CDKAL1: variants seen among roughly 807,000 people sequenced by gnomAD.
The protein encoded by CDKAL1 is CDKAL1 threonylcarbamoyladenosine tRNA methylthiotransferase.
In CDKAL1, 32 loss-of-function variants were observed where a neutral mutation model predicts 68.2. The observed-to-expected ratio is 0.47, with a 90% CI of 0.35 to 0.63. CDKAL1 has a LOEUF of 0.63. CDKAL1 is among the 30% of genes least tolerant of loss of function. CDKAL1 has a pLI of 0.00. For missense variants in CDKAL1, 606 were observed against 696.7 expected, an observed-to-expected ratio of 0.87 and a Z score of 1.47; for synonymous variants, 234 against 244.3, an observed-to-expected ratio of 0.96 and a Z score of 0.39.
chr6:21,036,018 C>T (rs1297314460), intron 11 of CDKAL1, among the ~76,000 whole-genome samples: 1 of 152,134 alleles, frequency 6.6e-6, no homozygotes, highest in African/African-American at 2.4e-5. Context: ...GCGCTTGCAT[C>T]AAGATCTGAA....
intron 9 of CDKAL1, among the ~76,000 whole-genome samples, chr6:20,947,936 G>C (rs978022978): frequency 6.1e-5 from 9 of 148,588 alleles, no homozygotes; most frequent in Admixed American, 6.0e-4. Flanking sequence ...GCTTGTATAA[G>C]TTTTAAAGAC....
intron 13 of CDKAL1, among the ~76,000 whole-genome samples, chr6:21,142,753 G>T (rs1296915935): frequency 6.6e-6 from 1 of 152,180 alleles, no homozygotes; most frequent in Non-Finnish European, 1.5e-5. Flanking sequence ...GAGTAAATAT[G>T]AACTAGTTTG....
chr6:20,732,426 C>A (rs1772994339), intron 5 of CDKAL1, among the ~76,000 whole-genome samples: 1 of 150,588 alleles, frequency 6.6e-6, no homozygotes, highest in Non-Finnish European at 1.5e-5. Context: ...CAGCTGTGCA[C>A]CATGACACCT....
intron 4 of CDKAL1, among the ~76,000 whole-genome samples, chr6:20,642,252 A>G (rs1361166171): frequency 6.6e-6 from 1 of 151,946 alleles, no homozygotes; most frequent in Non-Finnish European, 1.5e-5. Context: ...AATAACAGAA[A>G]AGAGTGACAC....
intron 11 of CDKAL1, among the ~76,000 whole-genome samples, chr6:21,016,943 A>G (rs1768373703): frequency 2.6e-5 from 4 of 152,218 alleles, no homozygotes; most frequent in Admixed American, 2.6e-4. Flanking sequence ...TTATTGCCAG[A>G]AATTTTCTTT....
intron 4 of CDKAL1, among the ~76,000 whole-genome samples, chr6:20,571,034 C>A (rs958458191): frequency 2.0e-5 from 3 of 152,156 alleles, no homozygotes; most frequent in Non-Finnish European, 4.4e-5. Context: ...AGCACCCTCA[C>A]TGGGGAGGAA....
intron 9 of CDKAL1, among the ~76,000 whole-genome samples, chr6:20,880,659 G>A (rs1403471440): frequency 1.3e-5 from 2 of 151,796 alleles, no homozygotes; most frequent in East Asian, 3.8e-4. Flanking sequence ...TTTCTCTATG[G>A]CCTGTATCTT....
intron 4 of CDKAL1, among the ~76,000 whole-genome samples, chr6:20,549,161 T>A (rs1361630773): frequency 6.6e-6 from 1 of 152,220 alleles, no homozygotes; most frequent in Admixed American, 6.5e-5. Flanking sequence ...TGACAGTTTC[T>A]TAATTTTTTC....
intron 7 of CDKAL1, among the ~76,000 whole-genome samples, chr6:20,766,452 T>G (rs1774708025): frequency 6.6e-6 from 1 of 152,182 alleles, no homozygotes; most frequent in Non-Finnish European, 1.5e-5. Context: ...CTCACAGGCT[T>G]CCCATGACCC....
intron 9 of CDKAL1, among the ~76,000 whole-genome samples, chr6:20,881,816 A>T (rs923753834): frequency 1.3e-5 from 2 of 152,070 alleles, no homozygotes; most frequent in East Asian, 3.9e-4. Context: ...GTAGTTAATA[A>T]TTTTTATTCA....
At chr6:21,104,036 C>T (rs953143593) in intron 12 of CDKAL1, among the ~76,000 whole-genome samples, 8 of 152,192 alleles carry the variant, frequency 5.3e-5, no homozygotes, top group African/African-American at 9.6e-5. Context: ...TAATAATGGC[C>T]GTGTTTTAGT....
chr6:21,154,233 G>T (rs1419739736), intron 13 of CDKAL1, among the ~76,000 whole-genome samples: 1 of 152,178 alleles, frequency 6.6e-6, no homozygotes, highest in African/African-American at 2.4e-5. Flanking sequence ...ACACACATAT[G>T]ATAGAAGATT....
chr6:20,804,677 C>G (rs985794002), intron 8 of CDKAL1, among the ~76,000 whole-genome samples: 1 of 152,092 alleles, frequency 6.6e-6, no homozygotes, highest in African/African-American at 2.4e-5. Flanking sequence ...CAGACAGTAT[C>G]TATGATGTTG....
At chr6:21,051,569 T>C (rs1465364235) in intron 11 of CDKAL1, among the ~76,000 whole-genome samples, 1 of 152,190 alleles carries the variant, frequency 6.6e-6, no homozygotes, top group Non-Finnish European at 1.5e-5. Flanking sequence ...ACTGTACCTC[T>C]TTCCCTAATG....
At chr6:20,569,309 G>C (rs1413706697) in intron 4 of CDKAL1, among the ~76,000 whole-genome samples, 1 of 152,188 alleles carries the variant, frequency 6.6e-6, no homozygotes, top group African/African-American at 2.4e-5. Flanking sequence ...TAAATTTCAT[G>C]CTTACAGCAA....
At chr6:21,093,168 CAA>C (rs993977976) in intron 12 of CDKAL1, among the ~76,000 whole-genome samples, 4 of 152,074 alleles carry the variant, frequency 2.6e-5, no homozygotes, top group Non-Finnish European at 4.4e-5. Context: ...CATGCCAAGA[CAA>C]GAGAGAAAAG....
rs529971992 is a variant in CDKAL1, at chr6:20,537,868, C to G, written c.-6+2474C>G. On this transcript the variant is annotated intron_variant, in intron 2 of 15. Coordinates refer to ENST00000274695, the MANE Select transcript of CDKAL1 (RefSeq NM_017774.3). Reference sequence around the variant, plus strand: ...TTCCATATGATTTAATTAAAAATTTCTGAAGGCTAAACAATTCCCTCTATC... The same window carrying G: ...TTCCATATGATTTAATTAAAAATTTGTGAAGGCTAAACAATTCCCTCTATC... 5.6e-5 allele frequency among the ~76,000 whole-genome samples: 7 copies of G among 124,692 alleles called. 1 individual carries two copies. In the South Asian group the frequency reaches 1.9e-3, roughly 33 times the overall value. 81.8% of individuals were successfully genotyped at this position (124,692 alleles called of 152,430 possible). A position where few individuals can be genotyped will look rare whatever the true frequency, so the allele number is the denominator to read the frequency against.
intron 5 of CDKAL1, among the ~76,000 whole-genome samples, chr6:20,698,480 G>A (rs772673547): frequency 6.6e-6 from 1 of 151,994 alleles, no homozygotes; most frequent in Non-Finnish European, 1.5e-5. Flanking sequence ...ACTATGTTGC[G>A]CTTATCATGT....
At chr6:20,781,372 A>G in intron 8 of CDKAL1, 107 bp downstream of exon 8, 4 of 980,138 alleles carry the variant, frequency 4.1e-6, no homozygotes, top group African/African-American at 1.6e-5. Context: ...TTTTCTTGGG[A>G]AAGAAAAATT....
Sources: allele counts gnomAD v4.1 joint callset (sites outside exome capture counted in the v4.1 genomes callset), GRCh38; gene constraint gnomAD v4.1.1; transcripts MANE v1.5; gene names NCBI Gene and HGNC (gene_info 2026-07-23, HGNC 2026-07-21).